The following HHAT variants were observed in gnomAD, a reference collection of about 807,000 sequenced individuals.
HHAT encodes hedgehog acyltransferase.
Under a neutral mutation model 70.8 loss-of-function variants are expected in HHAT, and 47 were observed. The ratio of observed to expected loss-of-function variants is 0.66; its 90% CI spans 0.53 to 0.85. The LOEUF (loss-of-function observed/expected upper bound fraction) is 0.85, where lower values mean the gene tolerates loss of function less well. Ranked by LOEUF, HHAT falls within the 40% of genes least tolerant of loss-of-function variation. HHAT has a pLI of 0.00. For synonymous variants in HHAT, 228 were observed against 247.6 expected (o/e 0.92, Z 0.74); for missense variants, 609 against 604.8 (o/e 1.01, Z -0.07).
intron 9 of HHAT, among the ~76,000 whole-genome samples, chr1:210,584,552 G>T (rs765363365): frequency 6.6e-6 from 1 of 152,072 alleles, no homozygotes; most frequent in South Asian, 2.1e-4. Flanking sequence ...GCCTCTGGGG[G>T]GCAGCAGAAC....
chr1:210,566,258 C>A (rs1654721928), intron 9 of HHAT, among the ~76,000 whole-genome samples: 1 of 152,078 alleles, frequency 6.6e-6, no homozygotes, highest in South Asian at 2.1e-4. Flanking sequence ...AAATATTAAA[C>A]ATTGTCTTTT....
At chr1:210,641,924 T>A (rs1401266444) in intron 11 of HHAT, among the ~76,000 whole-genome samples, 1 of 152,236 alleles carries the variant, frequency 6.6e-6, no homozygotes, top group African/African-American at 2.4e-5. Context: ...CAGGTCTTTT[T>A]CAACATAAAA....
chr1:210,327,673 T>G (rs978683308), upstream of HHAT, among the ~76,000 whole-genome samples: 1 of 151,620 alleles, frequency 6.6e-6, no homozygotes, highest in Non-Finnish European at 1.5e-5. Flanking sequence ...ACCCGGCTAA[T>G]TTTTGTATTT....
chr1:210,429,058 A>G (rs2093164721), intron 7 of HHAT, among the ~76,000 whole-genome samples: 1 of 151,796 alleles, frequency 6.6e-6, no homozygotes, highest in Non-Finnish European at 1.5e-5. Context: ...TTTTAGCTAC[A>G]ATACCTATCA....
intron 11 of HHAT, among the ~76,000 whole-genome samples, chr1:210,634,314 C>A (rs1194971788): frequency 6.6e-6 from 1 of 152,262 alleles, no homozygotes; most frequent in South Asian, 2.1e-4. Flanking sequence ...TGGATTTTTG[C>A]TGGGTAAACC....
At chr1:210,636,952 T>C (rs1037087926) in intron 11 of HHAT, among the ~76,000 whole-genome samples, 2 of 152,080 alleles carry the variant, frequency 1.3e-5, no homozygotes, top group South Asian at 2.1e-4. Flanking sequence ...TCAGACACAA[T>C]TGAGCCACTT....
At chr1:210,551,279 GA>G (rs1245933306) in intron 9 of HHAT, among the ~76,000 whole-genome samples, 3 of 148,758 alleles carry the variant, frequency 2.0e-5, no homozygotes, top group Non-Finnish European at 4.4e-5. Context: ...TCCCAGCGGC[GA>G]GCAAAAGCAG....
intron 1 of HHAT, among the ~76,000 whole-genome samples, chr1:210,340,902 T>C (rs1323759973): frequency 6.6e-6 from 1 of 152,208 alleles, no homozygotes; most frequent in Non-Finnish European, 1.5e-5. Flanking sequence ...TGGGTATGAA[T>C]CTAAGCTTTG....
chr1:210,596,347 A>G (rs980890930), intron 10 of HHAT, among the ~76,000 whole-genome samples: 7 of 152,168 alleles, frequency 4.6e-5, no homozygotes, highest in Non-Finnish European at 1.0e-4. Flanking sequence ...CCTGTACTTG[A>G]ATACTGATAT....
intron 9 of HHAT, among the ~76,000 whole-genome samples, chr1:210,570,307 A>G (rs753307894): frequency 4.6e-5 from 7 of 152,122 alleles, no homozygotes; most frequent in African/African-American, 9.7e-5. Context: ...TGCCCAGACC[A>G]TGATCCTGGG....
At position 210,373,026 on chromosome 1, in the gene HHAT, AATT is replaced by A. The variant is rs1382432041; in HGVS notation, c.159+10111_159+10113del. 3.9e-5 allele frequency among the ~76,000 whole-genome samples: 6 copies of A among 152,286 alleles called. No individual in the cohort carries two copies. The East Asian group carries it at 9.6e-4, about 24-fold the overall frequency. ...GGTGCAGCTTTAGGTACCATGTTGG[AATT>A]ATTTGAATTGTAGTCATGTCTGGGA... is the stretch of plus-strand genomic sequence containing the variant. On this transcript the variant is annotated intron_variant, in intron 3 of 11. Coordinates refer to ENST00000261458, the MANE Select transcript of HHAT (RefSeq NM_018194.6).
At chr1:210,366,837 C>T (rs112869850) in intron 3 of HHAT, among the ~76,000 whole-genome samples, 3 of 152,132 alleles carry the variant, frequency 2.0e-5, no homozygotes, top group Admixed American at 1.3e-4. Context: ...CTTCCCTGTC[C>T]GGCCCTTACT....
intron 7 of HHAT, among the ~76,000 whole-genome samples, chr1:210,449,912 G>A (rs2093714175): frequency 7.5e-6 from 1 of 132,500 alleles, no homozygotes; most frequent in African/African-American, 2.5e-5. Context: ...GGACAGAGAG[G>A]AAGTGGAGAT....
chr1:210,541,941 G>T (rs559142180), intron 9 of HHAT, among the ~76,000 whole-genome samples: 66 of 152,270 alleles, frequency 4.3e-4, no homozygotes, highest in Admixed American at 3.9e-3. Flanking sequence ...ACTGGCCAGG[G>T]AGTTCATCAG....
intron 8 of HHAT, among the ~76,000 whole-genome samples, chr1:210,493,803 T>A (rs906728875): frequency 6.6e-6 from 1 of 152,200 alleles, no homozygotes. Context: ...AAACCCTGTT[T>A]TCTGGTTCAT....
intron 8 of HHAT, among the ~76,000 whole-genome samples, chr1:210,494,917 G>A (rs2094611079): frequency 6.6e-6 from 1 of 152,114 alleles, no homozygotes; most frequent in African/African-American, 2.4e-5. Flanking sequence ...GCTCTGGACT[G>A]CAGGAAAGAG....
At chr1:210,371,439 C>T (rs2148064660) in intron 3 of HHAT, among the ~76,000 whole-genome samples, 1 of 152,286 alleles carries the variant, frequency 6.6e-6, no homozygotes, top group East Asian at 1.9e-4. Context: ...TGTGAGCCAC[C>T]CTGCCTGGCC....
At chr1:210,399,801 G>A (rs1261360897) in intron 4 of HHAT, among the ~76,000 whole-genome samples, 1 of 152,158 alleles carries the variant, frequency 6.6e-6, no homozygotes, top group African/African-American at 2.4e-5. Context: ...TTGATGATTA[G>A]ATAAAAATCT....
chr1:210,346,049 G>A (rs4845003), intron 1 of HHAT, among the ~76,000 whole-genome samples: 48,778 of 149,712 alleles, frequency 0.33, 8,525 homozygotes, highest in African/African-American at 0.43. Flanking sequence ...GGGCAACAGA[G>A]CAAGACCCTG....
Sources: allele counts gnomAD v4.1 joint callset (sites outside exome capture counted in the v4.1 genomes callset), GRCh38; gene constraint gnomAD v4.1.1; transcripts MANE v1.5; gene names NCBI Gene and HGNC (gene_info 2026-07-23, HGNC 2026-07-21).